Variants in VSIG10 observed in about 807,000 individuals in gnomAD.
The protein encoded by VSIG10 is V-set and immunoglobulin domain containing 10.
In VSIG10, 48 loss-of-function variants were observed where a neutral mutation model predicts 58.7. The observed-to-expected ratio is 0.82, with a 90% CI of 0.65 to 1.04. VSIG10 has a LOEUF of 1.04. Among genes scored for constraint, VSIG10 ranks in the 50% least tolerant of loss-of-function variants. The pLI, the probability that VSIG10 is intolerant of heterozygous loss-of-function variation, is 0.00. For synonymous variants in VSIG10, 260 were observed against 267.1 expected (o/e 0.97, Z 0.26); for missense variants, 628 against 670.0 (o/e 0.94, Z 0.69).
At chr12:118,083,478 T>C (rs2033029854) in intron 2 of VSIG10, among the ~76,000 whole-genome samples, 1 of 152,018 alleles carries the variant, frequency 6.6e-6, no homozygotes, top group African/African-American at 2.4e-5. Context: ...CTTGGGAGGC[T>C]GAGGCACGAG....
chr12:118,087,716 T>C (rs2033166581), intron 2 of VSIG10, among the ~76,000 whole-genome samples: 1 of 151,414 alleles, frequency 6.6e-6, no homozygotes. Flanking sequence ...CACACACTAT[T>C]AGTCTCAGCT....
At chr12:118,069,457 T>G (rs1049172415) in intron 7 of VSIG10, among the ~76,000 whole-genome samples, 2 of 135,886 alleles carry the variant, frequency 1.5e-5, no homozygotes, top group African/African-American at 5.7e-5. Context: ...CAGAGTTTCA[T>G]TCTTGTTGCC....
chr12:118,082,341 G>T lies in VSIG10; in HGVS notation c.450C>A (p.Asp150Glu), dbSNP rs1346035181. Residue 150 changes from aspartate to glutamate, a missense_variant, in exon 3 of 9, where the codon GAC (aspartate) becomes GAA (glutamate). By Grantham distance (45) the Asp-to-Glu change is conservative. Coordinates refer to ENST00000359236, the MANE Select transcript of VSIG10 (RefSeq NM_019086.6). Reference protein sequence around the residue: ...TLYAARGSQVDFSCNSSSRPP... With the variant: ...TLYAARGSQVEFSCNSSSRPP... Reference sequence around the variant, plus strand: ...GCCTGGAGCTGCTGTTGCAGCTGAAGTCCACCTGGGAGCCCCTGGCTGCGT... The same window carrying T: ...GCCTGGAGCTGCTGTTGCAGCTGAATTCCACCTGGGAGCCCCTGGCTGCGT... The T allele has an allele frequency of 6.2e-7, 1 of 1,613,910 alleles. No homozygotes were observed. The highest frequency in any genetic ancestry group is 1.3e-5 in the African/African-American group (1 of 74,936).
chr12:118,103,314 T>C (rs1390301974), intron 1 of VSIG10: 1 of 356,938 alleles, frequency 2.8e-6, no homozygotes, highest in Non-Finnish European at 5.0e-6. Flanking sequence ...CTCTTTACTT[T>C]GCCCCCGCAC....
At chr12:118,093,929 T>A (rs2033371860) in intron 2 of VSIG10, among the ~76,000 whole-genome samples, 1 of 151,750 alleles carries the variant, frequency 6.6e-6, no homozygotes, top group Non-Finnish European at 1.5e-5. Flanking sequence ...AATAATAAAA[T>A]AAAATAAAAA....
rs111867087 is a variant in VSIG10 at position 118,087,143 on chromosome 12, G to T, written c.362-4714C>A. 5.5e-3 allele frequency among the ~76,000 whole-genome samples: 830 copies of T among 152,042 alleles called. 13 individuals carry two copies. Among genetic ancestry groups the T allele is most frequent in the African/African-American group, 0.019 (794 of 41,466 alleles). On this transcript the variant is annotated intron_variant, in intron 2 of 8. Coordinates refer to ENST00000359236, the MANE Select transcript of VSIG10 (RefSeq NM_019086.6). ...AGCCCTTAACTGCTCTGGACCAAGG[G>T]ATTTCTGTACATTTAGAAGCAGAGT...
chr12:118,089,386 A>G (rs1425538389), intron 2 of VSIG10, among the ~76,000 whole-genome samples: 1 of 152,142 alleles, frequency 6.6e-6, no homozygotes, highest in Non-Finnish European at 1.5e-5. Flanking sequence ...TCAGTGTCTG[A>G]TCAAGTCATC....
intron 2 of VSIG10, among the ~76,000 whole-genome samples, chr12:118,094,978 A>C (rs1216945380): frequency 1.3e-5 from 2 of 149,482 alleles, no homozygotes; most frequent in East Asian, 4.0e-4. Flanking sequence ...ATCTTGGCTC[A>C]CTGCAACCTC....
At chr12:118,074,574 AT>A (rs1412113703) in intron 4 of VSIG10, among the ~76,000 whole-genome samples, 4 of 150,740 alleles carry the variant, frequency 2.7e-5, no homozygotes, top group Non-Finnish European at 3.0e-5. Context: ...CACCTCCTGA[AT>A]TCAAGAGATT....
chr12:118,070,219 G>A (rs143002507), intron 7 of VSIG10, among the ~76,000 whole-genome samples: 1 of 152,092 alleles, frequency 6.6e-6, no homozygotes, highest in African/African-American at 2.4e-5. Flanking sequence ...CTTTTGGGAG[G>A]GGGTTCTGGG....
intron 3 of VSIG10, among the ~76,000 whole-genome samples, chr12:118,080,980 C>T (rs1379713807): frequency 6.6e-6 from 1 of 152,100 alleles, no homozygotes; most frequent in Non-Finnish European, 1.5e-5. Flanking sequence ...GTGGCTCATG[C>T]CTGTAATCCC....
chr12:118,101,515 C>G (rs1243662863), intron 1 of VSIG10: 3 of 152,110 alleles, frequency 2.0e-5, no homozygotes, highest in African/African-American at 7.2e-5. Context: ...CCTTCTTGCC[C>G]CCCAACCTTA....
intron 3 of VSIG10, among the ~76,000 whole-genome samples, chr12:118,081,094 A>G (rs1366863299): frequency 6.6e-6 from 1 of 151,844 alleles, no homozygotes; most frequent in Non-Finnish European, 1.5e-5. Context: ...TAGAAAAATT[A>G]GTCGGACATG....
chr12:118,073,621 C>A lies in VSIG10; in HGVS notation c.1219+78G>T, dbSNP rs762463165. ...GCAGTGACCCATGTGTAGGGAGGCA[C>A]CAGGCTGTCCTCATGCTGATGCTGG... On this transcript the variant is annotated intron_variant, in intron 5 of 8. Transcript: ENST00000359236. The A allele has an allele frequency of 7.5e-4, 1,111 of 1,485,936 alleles. 1 individual carries two copies. Among genetic ancestry groups the A allele is most frequent in the Non-Finnish European group, 8.3e-4 (916 of 1,105,860 alleles). 92.0% of individuals were successfully genotyped at this position (1,485,936 alleles called of 1,614,324 possible).
chr12:118,083,501 C>T (rs972414882), intron 2 of VSIG10, among the ~76,000 whole-genome samples: 1 of 152,024 alleles, frequency 6.6e-6, no homozygotes, highest in African/African-American at 2.4e-5. Flanking sequence ...TTGCTTGAAC[C>T]TGGGAGGAAG....
rs3087752 is a variant in VSIG10 at position 118,064,870 on chromosome 12, A to G, written c.*1769T>C. The G allele has an allele frequency of 0.21, 31,913 of 152,064 alleles. 3,834 individuals are homozygous for G. Among genetic ancestry groups the G allele is most frequent in the East Asian group, 0.53 (2,717 of 5,166 alleles). The allele number at this position is 152,064 out of a possible 1,614,324, so 9.4% of individuals were successfully genotyped here. On this transcript the variant is annotated 3_prime_UTR_variant, in exon 9 of 9. Transcript: ENST00000359236. ...CTTCAGACAACCAGCTTCTCATTTT[A>G]GAGTCCCAGTTCCTAGAATTGGAGA...
chr12:118,098,779 G>A (rs1566180063), intron 1 of VSIG10, among the ~76,000 whole-genome samples: 2 of 152,116 alleles, frequency 1.3e-5, no homozygotes, highest in Admixed American at 6.6e-5. Flanking sequence ...ATCGGCAGCC[G>A]CAGCATGTTA....
intron 2 of VSIG10, among the ~76,000 whole-genome samples, chr12:118,095,106 T>C (rs1179697494): frequency 6.6e-6 from 1 of 152,188 alleles, no homozygotes; most frequent in Non-Finnish European, 1.5e-5. Flanking sequence ...GGTTTCACCA[T>C]GTTAGCCAAG....
chr12:118,078,564 C>T lies in VSIG10; in HGVS notation c.925+782G>A, dbSNP rs182203999. 5.6e-3 allele frequency among the ~76,000 whole-genome samples: 845 copies of T among 152,198 alleles called. 8 individuals carry two copies. Among genetic ancestry groups the T allele is most frequent in the African/African-American group, 0.019 (785 of 41,536 alleles). ...GCTCCCCTTTACCTTCTGTCATGAG[C>T]AGAAGCAGCCTGACGCTCTCACCAG... is the stretch of plus-strand genomic sequence containing the variant. On this transcript the variant is annotated intron_variant, in intron 4 of 8. Transcript: ENST00000359236.
Sources: gnomAD v4.1 joint callset for allele counts (sites outside exome capture counted in the v4.1 genomes callset) on GRCh38, gnomAD v4.1.1 for gene constraint, MANE v1.5 for transcripts, NCBI Gene and HGNC (gene_info 2026-07-23, HGNC 2026-07-21) for gene names.